PCDH15: variants seen among roughly 807,000 people sequenced by gnomAD.
PCDH15 encodes protocadherin related 15.
PCDH15 carries 129 observed loss-of-function variants against 178.5 expected under a neutral mutation model. The ratio of observed to expected loss-of-function variants is 0.72; its 90% CI spans 0.63 to 0.84. The LOEUF (loss-of-function observed/expected upper bound fraction) is 0.84. PCDH15 is among the 40% of genes least tolerant of loss of function. PCDH15 has a pLI of 0.00. For missense variants in PCDH15, 2,230 were observed against 2,099.9 expected, an observed-to-expected ratio of 1.06 and a Z score of -1.21; for synonymous variants, 800 against 732.0, an observed-to-expected ratio of 1.09 and a Z score of -1.50.
chr10:55,370,293 C>T (rs1018082772), intron 2 of PCDH15, among the ~76,000 whole-genome samples: 1 of 151,998 alleles, frequency 6.6e-6, no homozygotes, highest in Admixed American at 6.6e-5. Context: ...ATTGAACCAA[C>T]CAGATTGGCT....
intron 2 of PCDH15, among the ~76,000 whole-genome samples, chr10:54,636,677 C>G (rs567364478): frequency 3.1e-4 from 47 of 151,910 alleles, no homozygotes; most frequent in Non-Finnish European, 6.0e-4. Flanking sequence ...AGAACATGGG[C>G]AGGAGGTCAC....
At chr10:55,077,752 G>A (rs976769254) in intron 2 of PCDH15, among the ~76,000 whole-genome samples, 2 of 152,056 alleles carry the variant, frequency 1.3e-5, no homozygotes, top group East Asian at 1.9e-4. Flanking sequence ...TCACCATGTT[G>A]GACAGACTGG....
In PCDH15 at chr10:55,239,163, AG is replaced by A. The variant is rs1192009614; in HGVS notation, c.-155-72513del. Among the ~76,000 whole-genome samples the A allele has an allele frequency of 2.6e-5, 4 of 152,270 alleles. No homozygotes were observed. The East Asian group carries it at 7.7e-4, about 29-fold the overall frequency. On this transcript the variant is annotated intron_variant, in intron 1 of 5. Transcript: ENST00000458638. ...TATTTCACTTAACATAATGTCCACC[AG>A]TTCCATCCATGTTGTTGCAAATGAC...
intron 11 of PCDH15, chr10:54,189,481 G>T: frequency 1.4e-6 from 1 of 714,618 alleles, no homozygotes; most frequent in Non-Finnish European, 2.1e-6. Context: ...ACACTAGACT[G>T]ACAATTTTTT....
At chr10:54,615,596 CGG>C (rs999675873) in intron 2 of PCDH15, among the ~76,000 whole-genome samples, 9 of 151,982 alleles carry the variant, frequency 5.9e-5, no homozygotes, top group African/African-American at 2.2e-4. Flanking sequence ...ACTTGAGACA[CGG>C]AGACAAATAA....
chr10:53,959,952 G>T, intron 22 of PCDH15, 108 bp from the exon 23 acceptor site: 1 of 856,304 alleles, frequency 1.2e-6, no homozygotes, highest in Non-Finnish European at 1.9e-6. Context: ...TTCCAGAAGG[G>T]GAAGCAATGA....
chr10:54,823,336 G>A (rs1564540633), intron 3 of PCDH15, among the ~76,000 whole-genome samples: 1 of 151,970 alleles, frequency 6.6e-6, no homozygotes, highest in Non-Finnish European at 1.5e-5. Context: ...TTCAACTTGG[G>A]TAGCTGTATG....
chr10:54,501,238 A>AT (rs1390278399), intron 3 of PCDH15, among the ~76,000 whole-genome samples: 1 of 141,126 alleles, frequency 7.1e-6, no homozygotes, highest in South Asian at 2.1e-4. Flanking sequence ...TATAATAATA[A>AT]AAAAAAAAAA....
intron 3 of PCDH15, among the ~76,000 whole-genome samples, chr10:54,408,027 C>T (rs1177610197): frequency 7.7e-6 from 1 of 129,846 alleles, no homozygotes; most frequent in Non-Finnish European, 1.6e-5. Context: ...TGAACTCCAG[C>T]CTGGGTGACA....
intron 13 of PCDH15, among the ~76,000 whole-genome samples, chr10:54,163,055 G>C (rs572906234): frequency 1.3e-4 from 20 of 151,958 alleles, no homozygotes; most frequent in African/African-American, 4.6e-4. Context: ...CTGATGATTT[G>C]TTCCTAGAAA....
At chr10:54,001,523 T>C (rs1455518835) in intron 20 of PCDH15, among the ~76,000 whole-genome samples, 2 of 152,048 alleles carry the variant, frequency 1.3e-5, no homozygotes, top group Non-Finnish European at 2.9e-5. Flanking sequence ...GGTTGTATGA[T>C]AGTATTTGCA....
chr10:54,344,732 T>C (rs577698484), intron 6 of PCDH15, among the ~76,000 whole-genome samples: 2 of 151,972 alleles, frequency 1.3e-5, no homozygotes, highest in East Asian at 1.9e-4. Flanking sequence ...TGTTTCTACA[T>C]TTAAGAAAAA....
At chr10:54,903,401 T>C (rs1014679793) in intron 2 of PCDH15, among the ~76,000 whole-genome samples, 2 of 152,206 alleles carry the variant, frequency 1.3e-5, no homozygotes, top group African/African-American at 2.4e-5. Flanking sequence ...CAAATTCATT[T>C]TGAAGACCAT....
intron 15 of PCDH15, among the ~76,000 whole-genome samples, chr10:54,113,688 T>C (rs370639690): frequency 2.2e-4 from 31 of 143,732 alleles, no homozygotes; most frequent in African/African-American, 7.1e-4. Context: ...AGAATAGCAA[T>C]CATTATTTGT....
At chr10:54,699,358 C>A (rs927984524) in intron 1 of PCDH15, among the ~76,000 whole-genome samples, 1 of 151,918 alleles carries the variant, frequency 6.6e-6, no homozygotes, top group Non-Finnish European at 1.5e-5. Flanking sequence ...TAAAAGTCAT[C>A]AAAATATTGT....
intron 2 of PCDH15, among the ~76,000 whole-genome samples, chr10:55,089,664 C>T (rs1310433792): frequency 6.6e-6 from 1 of 152,056 alleles, no homozygotes; most frequent in Non-Finnish European, 1.5e-5. Flanking sequence ...CATTGAGTCT[C>T]TGTAAAATTC....
At chr10:54,313,010 T>C (rs2061003561) in intron 8 of PCDH15, among the ~76,000 whole-genome samples, 1 of 152,162 alleles carries the variant, frequency 6.6e-6, no homozygotes, top group African/African-American at 2.4e-5. Flanking sequence ...TGTTAAGGAA[T>C]GGCTCAATCT....
intron 2 of PCDH15, among the ~76,000 whole-genome samples, chr10:55,359,345 T>TCATGCC (rs1845163921): frequency 4.6e-5 from 7 of 152,082 alleles, no homozygotes; most frequent in Admixed American, 4.6e-4. Context: ...TATCTTCTCT[T>TCATGCC]CATGCCATCC....
intron 5 of PCDH15, among the ~76,000 whole-genome samples, chr10:54,366,869 T>G (rs991458822): frequency 6.6e-6 from 1 of 152,038 alleles, no homozygotes; most frequent in African/African-American, 2.4e-5. Flanking sequence ...TAAAAGGAAA[T>G]GCATTGTGAG....
Sources: allele counts gnomAD v4.1 joint callset (sites outside exome capture counted in the v4.1 genomes callset), GRCh38; gene constraint gnomAD v4.1.1; transcripts MANE v1.5; gene names NCBI Gene and HGNC (gene_info 2026-07-23, HGNC 2026-07-21).